Variants in PIEZO2 observed in about 807,000 individuals in gnomAD.
PIEZO2 encodes piezo type mechanosensitive ion channel component 2.
A neutral mutation model predicts 337.3 loss-of-function variants in PIEZO2; 172 were observed. That is an observed-to-expected ratio of 0.51 (90% CI 0.45 to 0.58). The LOEUF (loss-of-function observed/expected upper bound fraction) is 0.58, where lower values mean the gene tolerates loss of function less well. Among genes scored for constraint, PIEZO2 ranks in the 20% least tolerant of loss-of-function variants. The probability of loss-of-function intolerance (pLI) is 0.00; values close to 1 mark genes in which losing one functional copy is unlikely to be tolerated. For synonymous variants in PIEZO2, 1,251 were observed against 1,228.5 expected (o/e 1.02, Z -0.38); for missense variants, 3,028 against 3,391.3 (o/e 0.89, Z 2.66).
Position 10,773,995 on chromosome 18 carries a change from G to C in PIEZO2, c.2567+11C>G. The stretch of plus-strand genomic sequence containing the variant: ...AGAGCAAGCATTTCATGGCTTCACA[G>C]GGGGACTTACTCATTTTGGTGGATT... On this transcript the variant is annotated intron_variant, in intron 19 of 55. Transcript: ENST00000674853. This position sits in a 1 kb window ranked among gnomAD's most constrained non-coding sequence, Gnocchi z 5.3. The C allele has an allele frequency of 1.4e-6, 1 of 703,072 alleles. No individual in the cohort carries two copies. The highest frequency in any genetic ancestry group is 2.6e-6 in the Non-Finnish European group (1 of 385,002). 43.6% of individuals were successfully genotyped at this position (703,072 alleles called of 1,614,324 possible).
rs1033599127 is a variant in PIEZO2, at chr18:11,102,164, A to G, written c.65-35942T>C. ...GTCTACCATGGTCCCTGGTTGAACA[A>G]ACACAAATTGTGGGGTGTATGCAAG... On this transcript the variant is annotated intron_variant, in intron 1 of 55. Transcript: ENST00000674853. The surrounding 1 kb of genome is among the most constrained non-coding windows in gnomAD (Gnocchi z 5.7). Among the ~76,000 whole-genome samples the G allele has an allele frequency of 2.6e-5, 4 of 152,202 alleles. No homozygotes were observed. The highest frequency in any genetic ancestry group is 5.9e-5 in the Non-Finnish European group (4 of 68,050).
chr18:10,950,115 C>T (rs1037434304), intron 3 of PIEZO2, among the ~76,000 whole-genome samples: 5 of 152,102 alleles, frequency 3.3e-5, no homozygotes, highest in African/African-American at 1.2e-4. Context: ...TGGCAGTACC[C>T]TATATATTTT....
intron 3 of PIEZO2, among the ~76,000 whole-genome samples, chr18:10,951,033 GGC>G (rs2033269180): frequency 6.6e-6 from 1 of 152,072 alleles, no homozygotes; most frequent in African/African-American, 2.4e-5. Flanking sequence ...AAACACTCAG[GGC>G]ACACAACATT....
chr18:10,968,393 A>G (rs1234569907), intron 3 of PIEZO2, among the ~76,000 whole-genome samples: 1 of 152,188 alleles, frequency 6.6e-6, no homozygotes, highest in Non-Finnish European at 1.5e-5. Context: ...TGATGCCTCC[A>G]GATTTGTTCT....
chr18:10,982,909 T>C lies in PIEZO2; in HGVS notation c.161-3249A>G, dbSNP rs2034724789. 2.0e-5 allele frequency among the ~76,000 whole-genome samples: 3 copies of C among 152,144 alleles called. No homozygotes were observed. The South Asian group carries it at 6.2e-4, about 32-fold the overall frequency. On this transcript the variant is annotated intron_variant, in intron 2 of 55. Coordinates refer to ENST00000674853, the MANE Select transcript of PIEZO2 (RefSeq NM_001378183.1). The surrounding 1 kb of genome is among the most constrained non-coding windows in gnomAD (Gnocchi z 4.1). ...CTAATTTTTGTATTTTTGGTAGAGA[T>C]GGGGTTTTGCCATGTTGGCCAGTTT...
intron 1 of PIEZO2, among the ~76,000 whole-genome samples, chr18:11,135,472 GC>G (rs2040454563): frequency 6.6e-6 from 1 of 152,106 alleles, no homozygotes; most frequent in Non-Finnish European, 1.5e-5. Flanking sequence ...CTTCAAATAT[GC>G]TCTTTTAAAG....
chr18:11,075,348 A>AT (rs886678499), intron 1 of PIEZO2, among the ~76,000 whole-genome samples: 4 of 152,192 alleles, frequency 2.6e-5, no homozygotes, highest in Non-Finnish European at 2.9e-5. Context: ...ACAACCATAG[A>AT]TTTTTTCCTG....
At chr18:11,108,342 A>G (rs1184741204) in intron 1 of PIEZO2, among the ~76,000 whole-genome samples, 6 of 152,184 alleles carry the variant, frequency 3.9e-5, no homozygotes, top group African/African-American at 1.2e-4. Context: ...GGGGCCAGGC[A>G]CGGTGGCTTA....
intron 5 of PIEZO2, among the ~76,000 whole-genome samples, chr18:10,868,268 A>G (rs1247606267): frequency 6.6e-6 from 1 of 152,256 alleles, no homozygotes; most frequent in African/African-American, 2.4e-5. Flanking sequence ...TTCTTTCAGT[A>G]TCCTTAAAAA....
intron 1 of PIEZO2, among the ~76,000 whole-genome samples, chr18:11,100,740 C>G (rs1013012234): frequency 2.0e-5 from 3 of 152,080 alleles, no homozygotes; most frequent in Non-Finnish European, 2.9e-5. Flanking sequence ...GGACTACAGG[C>G]GCCCGCCACC....
In PIEZO2 at chr18:10,746,840, C is replaced by T. The variant is rs2037443452; in HGVS notation, c.4424+1631G>A. 1.3e-5 allele frequency among the ~76,000 whole-genome samples: 2 copies of T among 152,172 alleles called. No individual in the cohort carries two copies. Among genetic ancestry groups the T allele is most frequent in the Admixed American group, 1.3e-4 (2 of 15,280 alleles). ...ATGTTGGACTTTCCAGCCTGTGGAA[C>T]TGTAAGAATTGAGTGTATACTGTTT... On this transcript the variant is annotated intron_variant, in intron 30 of 55. Coordinates refer to ENST00000674853, the MANE Select transcript of PIEZO2 (RefSeq NM_001378183.1). The surrounding 1 kb of genome is among the most constrained non-coding windows in gnomAD (Gnocchi z 4.2).
chr18:10,715,951 T>A (rs2035995206), intron 37 of PIEZO2, 135 bp from the exon 38 acceptor site: 1 of 697,214 alleles, frequency 1.4e-6, no homozygotes, highest in African/African-American at 1.8e-5. Context: ...GTGACTCAGA[T>A]ACTCATGACG....
chr18:11,041,662 A>C (rs561695019), intron 2 of PIEZO2, among the ~76,000 whole-genome samples: 1 of 152,300 alleles, frequency 6.6e-6, no homozygotes, highest in South Asian at 2.1e-4. Flanking sequence ...CTACGATGTC[A>C]ATTTGTATGG....
chr18:10,967,022 T>TG (rs1333859984), intron 3 of PIEZO2, among the ~76,000 whole-genome samples: 2 of 146,808 alleles, frequency 1.4e-5, no homozygotes, highest in Non-Finnish European at 3.0e-5. Flanking sequence ...TTTTTTGTTT[T>TG]TTTTTTTTTT....
Position 10,746,372 on chromosome 18 carries a change from T to C in PIEZO2, c.4424+2099A>G, listed in dbSNP as rs1027517602. Reference sequence around the variant, plus strand: ...TCCAATCTCAGCGCTGCAGTCACTGTGAGCTTCTGATGGCTACTTCCCTCC... The same window carrying C: ...TCCAATCTCAGCGCTGCAGTCACTGCGAGCTTCTGATGGCTACTTCCCTCC... On this transcript the variant is annotated intron_variant, in intron 30 of 55. Coordinates refer to ENST00000674853, the MANE Select transcript of PIEZO2 (RefSeq NM_001378183.1). The surrounding 1 kb of genome is among the most constrained non-coding windows in gnomAD (Gnocchi z 4.2). 3.3e-5 allele frequency among the ~76,000 whole-genome samples: 5 copies of C among 152,214 alleles called. No individual in the cohort carries two copies. Among genetic ancestry groups the C allele is most frequent in the Admixed American group, 2.0e-4 (3 of 15,278 alleles).
chr18:10,873,446 A>G (rs188254990), intron 4 of PIEZO2, among the ~76,000 whole-genome samples: 7 of 152,180 alleles, frequency 4.6e-5, no homozygotes, highest in African/African-American at 1.2e-4. Context: ...ATGTATCCAC[A>G]TGGCCTTCCT....
intron 2 of PIEZO2, among the ~76,000 whole-genome samples, chr18:11,011,989 A>T (rs2035921618): frequency 1.3e-5 from 2 of 152,342 alleles, no homozygotes; most frequent in South Asian, 4.1e-4. Flanking sequence ...TCTAAAAAGA[A>T]TTTTTAAAAA....
chr18:10,761,066 A>G lies in PIEZO2; in HGVS notation c.3295T>C (p.Tyr1099His), dbSNP rs1392867442. 3 of 1,537,258 alleles carry G rather than the reference A, an allele frequency of 2.0e-6. No homozygotes were observed. Among genetic ancestry groups the G allele is most frequent in the Non-Finnish European group, 1.7e-6 (2 of 1,146,896 alleles). The change falls in exon 24 of 56, where the codon TAC becomes CAC. Residue 1099 changes from tyrosine to histidine, a missense_variant. Around this residue, in one of 5 missense-constraint regions of PIEZO2, gnomAD observed 1,925 missense variants for 2,051.9 expected, o/e 0.94. Coordinates refer to ENST00000674853, the MANE Select transcript of PIEZO2 (RefSeq NM_001378183.1). ...CCTCGATAGTATTCCTGATGGCGGT[A>G]AATGGTGACTTCAAAGGCCAGGATA... ...LAILAFEVTI[Y>H]RHQEYYRGRN...
At chr18:11,066,254 G>C in intron 1 of PIEZO2, 32 bp from the exon 2 acceptor site, 2 of 1,500,902 alleles carry the variant, frequency 1.3e-6, no homozygotes, top group Non-Finnish European at 9.0e-7. Flanking sequence ...AGAGTGAGAA[G>C]ATCATTAACA....
Sources: allele counts gnomAD v4.1 joint callset (sites outside exome capture counted in the v4.1 genomes callset), GRCh38; gene constraint gnomAD v4.1.1; regional missense constraint gnomAD v4.1.1; non-coding constraint Gnocchi (gnomAD v3.1); transcripts MANE v1.5; gene names NCBI Gene and HGNC (gene_info 2026-07-23, HGNC 2026-07-21).